Variants in IL1RAPL2 observed in about 807,000 individuals in gnomAD.
IL1RAPL2 encodes X-linked interleukin-1 receptor accessory protein-like 2.
A neutral mutation model predicts 44.1 loss-of-function variants in IL1RAPL2; 3 were observed. The ratio of observed to expected loss-of-function variants is 0.07; its 90% CI spans 0.03 to 0.18. The LOEUF is 0.18. IL1RAPL2 is among the 10% of genes least tolerant of loss of function. The pLI is 1.00. For missense variants in IL1RAPL2, 391 were observed against 496.4 expected, an observed-to-expected ratio of 0.79 and a Z score of 2.02; for synonymous variants, 181 against 178.8, an observed-to-expected ratio of 1.01 and a Z score of -0.10.
intron 6 of IL1RAPL2, among the ~76,000 whole-genome samples, chrX:105,559,116 A>C (rs2147806026): frequency 8.9e-6 from 1 of 111,890 alleles, no homozygotes; most frequent in African/African-American, 3.2e-5. Context: ...GGGTTTCTAG[A>C]GTTCAGAAGG....
intron 2 of IL1RAPL2, among the ~76,000 whole-genome samples, chrX:105,153,860 C>T (rs1338379748): frequency 9.0e-6 from 1 of 110,897 alleles, no homozygotes; most frequent in Non-Finnish European, 1.9e-5. Flanking sequence ...CTCCAGGTAA[C>T]AGACTTCAGA....
intron 2 of IL1RAPL2, among the ~76,000 whole-genome samples, chrX:104,946,782 A>T (rs1234797509): frequency 1.0e-5 from 1 of 97,537 alleles, no homozygotes; most frequent in East Asian, 3.3e-4. Context: ...TCCATGGTGT[A>T]TATGTGCCAC....
At chrX:105,586,272 A>G (rs1194046372) in intron 6 of IL1RAPL2, among the ~76,000 whole-genome samples, 2 of 112,212 alleles carry the variant, frequency 1.8e-5, no homozygotes, top group Non-Finnish European at 3.8e-5. Context: ...TGATCATTAG[A>G]GAAATGCAAA....
intron 6 of IL1RAPL2, among the ~76,000 whole-genome samples, chrX:105,624,896 C>T (rs1342148019): frequency 8.9e-6 from 1 of 112,024 alleles, no homozygotes; most frequent in Non-Finnish European, 1.9e-5. Flanking sequence ...AATTAAGATA[C>T]TTAATATGTG....
intron 1 of IL1RAPL2, among the ~76,000 whole-genome samples, chrX:104,580,392 G>T (rs1367212767): frequency 8.9e-6 from 1 of 112,727 alleles, no homozygotes; most frequent in Admixed American, 9.3e-5. Context: ...TGTACTTCAG[G>T]CACGCCTGCT....
At chrX:105,279,711 C>G (rs187326348) in intron 5 of IL1RAPL2, among the ~76,000 whole-genome samples, 1 of 111,967 alleles carries the variant, frequency 8.9e-6, no homozygotes, top group Admixed American at 9.4e-5. Context: ...ATCTCTTGAC[C>G]TCCTGATCCT....
chrX:104,638,812 A>G (rs1929877123), intron 1 of IL1RAPL2, among the ~76,000 whole-genome samples: 1 of 112,280 alleles, frequency 8.9e-6, no homozygotes, highest in Non-Finnish European at 1.9e-5. Flanking sequence ...TTCATGTACT[A>G]TGGAAAAGAA....
chrX:105,331,958 C>T (rs746859497), intron 5 of IL1RAPL2, among the ~76,000 whole-genome samples: 28 of 109,730 alleles, frequency 2.6e-4, no homozygotes, highest in Admixed American at 1.7e-3. Flanking sequence ...AATTTCTTGC[C>T]GCTGTCTCTT....
At chrX:104,786,466 T>C (rs373700920) in intron 2 of IL1RAPL2, among the ~76,000 whole-genome samples, 6 of 111,866 alleles carry the variant, frequency 5.4e-5, no homozygotes, top group African/African-American at 2.0e-4. Context: ...TATTATCTCA[T>C]TGAATTCCTG....
At chrX:105,086,561 A>C (rs1265163741) in intron 2 of IL1RAPL2, among the ~76,000 whole-genome samples, 1 of 111,049 alleles carries the variant, frequency 9.0e-6, no homozygotes, top group Non-Finnish European at 1.9e-5. Flanking sequence ...ATTACACAAC[A>C]TGAAGGCTAT....
intron 2 of IL1RAPL2, among the ~76,000 whole-genome samples, chrX:105,174,191 C>G (rs2033452151): frequency 9.0e-6 from 1 of 111,222 alleles, no homozygotes; most frequent in East Asian, 2.8e-4. Flanking sequence ...TCCCTTGTTC[C>G]TTCTCTCAAT....
intron 2 of IL1RAPL2, among the ~76,000 whole-genome samples, chrX:104,751,337 C>A (rs1457926568): frequency 2.7e-5 from 3 of 111,543 alleles, no homozygotes; most frequent in Middle Eastern, 4.6e-3. Flanking sequence ...AGTTTAAAAT[C>A]TAGTTCAGAA....
intron 4 of IL1RAPL2, among the ~76,000 whole-genome samples, chrX:105,238,744 C>T (rs1556204631): frequency 9.0e-6 from 1 of 110,919 alleles, no homozygotes; most frequent in Admixed American, 9.6e-5. Flanking sequence ...AAAATTCCCC[C>T]CTTTTTGTCA....
chrX:105,134,978 C>T (rs189425322), intron 2 of IL1RAPL2, among the ~76,000 whole-genome samples: 8 of 105,428 alleles, frequency 7.6e-5, no homozygotes, highest in African/African-American at 1.1e-4. Flanking sequence ...GTTGTTCTGA[C>T]GGTGATAACC....
intron 1 of IL1RAPL2, among the ~76,000 whole-genome samples, chrX:104,609,107 A>T (rs768666397): frequency 3.3e-4 from 36 of 109,441 alleles, no homozygotes; most frequent in Non-Finnish European, 6.7e-4. Flanking sequence ...TCCTTCACTT[A>T]TGAAGCTTAG....
intron 7 of IL1RAPL2, among the ~76,000 whole-genome samples, chrX:105,733,866 T>TTTTGC (rs908246274): frequency 1.8e-5 from 2 of 112,062 alleles, no homozygotes; most frequent in African/African-American, 6.5e-5. Context: ...TTTTGTTTTG[T>TTTTGC]TTTGCTTTGC....
rs903299170 is a variant in IL1RAPL2 at position 105,334,653 on chromosome X, A to G, written c.697+67112A>G. Among the ~76,000 whole-genome samples the G allele has an allele frequency of 2.7e-5, 3 of 111,704 alleles. No individual in the cohort carries two copies. The East Asian group carries it at 8.4e-4, about 31-fold the overall frequency. On this transcript the variant is annotated intron_variant, in intron 5 of 10. Coordinates refer to ENST00000372582, the MANE Select transcript of IL1RAPL2 (RefSeq NM_017416.2). ...TATATACACCTACTATGTACCCACA[A>G]ACATTAAAAATAAAAATTTAAAAAA...
At chrX:104,957,604 TG>T (rs1282365733) in intron 2 of IL1RAPL2, among the ~76,000 whole-genome samples, 1 of 112,381 alleles carries the variant, frequency 8.9e-6, no homozygotes, top group Non-Finnish European at 1.9e-5. Flanking sequence ...ACTGGCAATT[TG>T]GGAACTTGAC....
intron 10 of IL1RAPL2, among the ~76,000 whole-genome samples, chrX:105,763,366 AG>A (rs1775563445): frequency 9.0e-6 from 1 of 111,692 alleles, no homozygotes; most frequent in Non-Finnish European, 1.9e-5. Context: ...GCTTGATAGA[AG>A]CCAGCAACAA....
Sources: allele counts gnomAD v4.1 joint callset (sites outside exome capture counted in the v4.1 genomes callset), GRCh38; gene constraint gnomAD v4.1.1; transcripts MANE v1.5; gene names NCBI Gene and HGNC (gene_info 2026-07-23, HGNC 2026-07-21).